Variants in FIP1L1 observed in about 807,000 individuals in gnomAD.
FIP1L1 encodes the protein pre-mRNA 3'-end-processing factor FIP1.
Under a neutral mutation model 84.6 loss-of-function variants are expected in FIP1L1, and 21 were observed. The ratio of observed to expected loss-of-function variants is 0.25; its 90% CI spans 0.18 to 0.36. The LOEUF is 0.36. FIP1L1 is among the 10% of genes least tolerant of loss of function. FIP1L1 has a pLI of 1.00. For synonymous variants in FIP1L1, 263 were observed against 242.3 expected, an observed-to-expected ratio of 1.09 and a Z score of -0.80; for missense variants, 526 against 751.1, an observed-to-expected ratio of 0.70 and a Z score of 3.50.
intron 11 of FIP1L1, among the ~76,000 whole-genome samples, chr4:53,417,322 TCATTA>T (rs1759915588): frequency 6.6e-6 from 1 of 152,132 alleles, no homozygotes; most frequent in Admixed American, 6.5e-5. Flanking sequence ...AGCTGTATTT[TCATTA>T]CGTGTTTTGT....
chr4:53,442,622 AC>A, intron 13 of FIP1L1, 30 bp from the exon 14 acceptor site: 13 of 1,527,838 alleles, frequency 8.5e-6, no homozygotes, highest in Non-Finnish European at 1.2e-5. Flanking sequence ...TACATTGTTA[AC>A]ATTTTTTATC....
rs1309181531 is a variant in FIP1L1, at chr4:53,428,335, A to G, written c.1174+152A>G. The G allele has an allele frequency of 1.1e-5, 7 of 648,212 alleles. No individual in the cohort carries two copies. In the South Asian group the frequency reaches 2.4e-4, roughly 22 times the overall value. The allele number at this position is 648,212 out of a possible 1,614,324, so 40.2% of individuals were successfully genotyped here. On this transcript the variant is annotated intron_variant, in intron 13 of 17. Coordinates refer to ENST00000337488, the MANE Select transcript of FIP1L1 (RefSeq NM_030917.4). ...CAGATTCACACTGAAACAGATATAT[A>G]TATGTTTATTGCTATTTCAATATAG...
intron 16 of FIP1L1, among the ~76,000 whole-genome samples, chr4:53,455,352 T>TC (rs1384901968): frequency 6.6e-6 from 1 of 152,208 alleles, no homozygotes; most frequent in Non-Finnish European, 1.5e-5. Flanking sequence ...TGACATGCCT[T>TC]CCTCTTCAAG....
chr4:53,409,339 T>C (rs1169076046), intron 10 of FIP1L1, among the ~76,000 whole-genome samples: 2 of 152,178 alleles, frequency 1.3e-5, no homozygotes, highest in Non-Finnish European at 2.9e-5. Flanking sequence ...TGCTGCTGTC[T>C]GATCGTTCCT....
chr4:53,403,130 T>A (rs1439770109), intron 10 of FIP1L1, among the ~76,000 whole-genome samples: 1 of 152,168 alleles, frequency 6.6e-6, no homozygotes, highest in Non-Finnish European at 1.5e-5. Context: ...AAGGAGTAGC[T>A]GGGCAGCTGG....
In FIP1L1 at chr4:53,381,753, CTTTTTTTTTTT is replaced by C. The variant is rs531488760; in HGVS notation, c.171-511_171-501del. ...AATAAACTGTGAAGGCATTTGCATT[CTTTTTTTTTTT>C]TTTTTTTTTTTTTGAGACAGCATCT... On this transcript the variant is annotated intron_variant, in intron 3 of 17. Transcript: ENST00000337488. 4.5e-4 allele frequency among the ~76,000 whole-genome samples: 40 copies of C among 87,942 alleles called. 2 individuals are homozygous for C. Among genetic ancestry groups the C allele is most frequent in the African/African-American group, 1.4e-3 (25 of 18,032 alleles). 57.7% of individuals were successfully genotyped at this position (87,942 alleles called of 152,430 possible). A position where few individuals can be genotyped will look rare whatever the true frequency, so the allele number is the denominator to read the frequency against.
chr4:53,439,302 A>G (rs186532773), intron 13 of FIP1L1, among the ~76,000 whole-genome samples: 20 of 152,238 alleles, frequency 1.3e-4, no homozygotes, highest in Admixed American at 1.3e-3. Flanking sequence ...TTGTGGATTC[A>G]TAAAGATTTT....
chr4:53,414,554 G>C (rs936703335), intron 10 of FIP1L1, 61 bp from the exon 11 acceptor site: 2 of 1,067,882 alleles, frequency 1.9e-6, no homozygotes, highest in African/African-American at 3.3e-5. Flanking sequence ...AAAAAAAACA[G>C]AACAAGGGGG....
intron 3 of FIP1L1, among the ~76,000 whole-genome samples, chr4:53,379,996 A>G (rs1578068488): frequency 6.6e-6 from 1 of 152,204 alleles, no homozygotes; most frequent in African/African-American, 2.4e-5. Context: ...TCGAAAAGAT[A>G]AAACAGGTGT....
chr4:53,425,799 T>A, intron 11 of FIP1L1, 73 bp from the exon 12 acceptor site: 1 of 1,097,866 alleles, frequency 9.1e-7, no homozygotes, highest in Non-Finnish European at 1.3e-6. Flanking sequence ...TTTGTTTTTA[T>A]TTCTCACTGC....
intron 10 of FIP1L1, among the ~76,000 whole-genome samples, chr4:53,413,399 T>C (rs1758046994): frequency 6.6e-6 from 1 of 152,140 alleles, no homozygotes; most frequent in Admixed American, 6.5e-5. Flanking sequence ...ATTTTCAAGA[T>C]GAAATTTCCA....
rs1192153276 is a variant in FIP1L1 at position 53,433,560 on chromosome 4, A to G, written c.1174+5377A>G. On this transcript the variant is annotated intron_variant, in intron 13 of 17. Coordinates refer to ENST00000337488, the MANE Select transcript of FIP1L1 (RefSeq NM_030917.4). ...GAGTTTACTGTAGAATAGAAGGTAA[A>G]TTCAGTTAAACTCATTTGTTTTTGT... Among the ~76,000 whole-genome samples the G allele has an allele frequency of 2.0e-5, 3 of 151,976 alleles. No individual in the cohort carries two copies. In the East Asian group the frequency reaches 5.8e-4, roughly 29 times the overall value.
chr4:53,408,254 A>T (rs994239520), intron 10 of FIP1L1, among the ~76,000 whole-genome samples: 3 of 152,110 alleles, frequency 2.0e-5, no homozygotes, highest in African/African-American at 7.2e-5. Context: ...TCTCTTATGA[A>T]GCTTAATTTG....
chr4:53,455,160 GT>G (rs1245171725), intron 16 of FIP1L1, among the ~76,000 whole-genome samples: 2 of 152,102 alleles, frequency 1.3e-5, no homozygotes, highest in Non-Finnish European at 2.9e-5. Context: ...TGTGTGGCTG[GT>G]TTGTTCTTCT....
At chr4:53,399,111 C>T (rs369289141) in intron 9 of FIP1L1, among the ~76,000 whole-genome samples, 27 of 152,184 alleles carry the variant, frequency 1.8e-4, no homozygotes, top group Non-Finnish European at 7.4e-5. Flanking sequence ...CGTGATTGCA[C>T]GACTGTACTC....
chr4:53,443,956 G>A, intron 14 of FIP1L1, 92 bp from the exon 15 acceptor site: 2 of 731,432 alleles, frequency 2.7e-6, no homozygotes, highest in Non-Finnish European at 4.5e-6. Flanking sequence ...GATAAAAGTT[G>A]TAATTTTGCC....
At chr4:53,416,271 C>G (rs1345143657) in intron 11 of FIP1L1, among the ~76,000 whole-genome samples, 1 of 152,188 alleles carries the variant, frequency 6.6e-6, no homozygotes, top group Admixed American at 6.5e-5. Flanking sequence ...GGCCAGACAA[C>G]AAGAACTTAT....
Position 53,460,275 on chromosome 4 carries a change from AAAAAC to A in FIP1L1, c.*834_*838del, listed in dbSNP as rs1264064789. 2.1e-5 allele frequency: 4 copies of A among 191,730 alleles called. No individual in the cohort carries two copies. The highest frequency in any genetic ancestry group is 4.4e-5 in the Non-Finnish European group (4 of 91,670). The allele number at this position is 191,730 out of a possible 1,614,324, so 11.9% of individuals were successfully genotyped here. ...AAAAGAGCTTTAGCCATTTCTTACT[AAAAAC>A]AAAACAAGTTTATAATTAATTCTCT... is the stretch of plus-strand genomic sequence containing the variant. On this transcript the variant is annotated 3_prime_UTR_variant, in exon 18 of 18. Transcript: ENST00000337488.
chr4:53,400,099 TAA>T (rs1749458651), intron 10 of FIP1L1, among the ~76,000 whole-genome samples: 1 of 152,182 alleles, frequency 6.6e-6, no homozygotes, highest in Non-Finnish European at 1.5e-5. Context: ...GAGAGGTGAA[TAA>T]AGAGACAGTC....
Sources: gnomAD v4.1 joint callset for allele counts (sites outside exome capture counted in the v4.1 genomes callset) on GRCh38, gnomAD v4.1.1 for gene constraint, MANE v1.5 for transcripts, NCBI Gene and HGNC (gene_info 2026-07-23, HGNC 2026-07-21) for gene names.